The following BMPR1B variants were observed in gnomAD, a reference collection of about 807,000 sequenced individuals.
The protein encoded by BMPR1B is bone morphogenetic protein receptor type 1B.
BMPR1B carries 12 observed loss-of-function variants against 59.1 expected under a neutral mutation model. The observed-to-expected ratio is 0.20, with a 90% confidence interval of 0.13 to 0.33. BMPR1B has a LOEUF of 0.33. BMPR1B is among the 10% of genes least tolerant of loss of function. The probability of loss-of-function intolerance (pLI) is 1.00; values close to 1 mark genes in which losing one functional copy is unlikely to be tolerated. For missense variants in BMPR1B, 550 were observed against 610.9 expected (o/e 0.90, Z 1.05); for synonymous variants, 237 against 207.3 (o/e 1.14, Z -1.23).
intron 2 of BMPR1B, among the ~76,000 whole-genome samples, chr4:94,981,330 C>T (rs1365609411): frequency 6.6e-6 from 1 of 152,024 alleles, no homozygotes; most frequent in Non-Finnish European, 1.5e-5. Context: ...CCTCAGCCTC[C>T]CAAAGCACTG....
At chr4:95,012,864 GAGA>G (rs1723319545) in intron 3 of BMPR1B, among the ~76,000 whole-genome samples, 2 of 152,118 alleles carry the variant, frequency 1.3e-5, no homozygotes, top group Non-Finnish European at 2.9e-5. Context: ...CAAAATTTTG[GAGA>G]AGAATTTCTT....
At chr4:94,765,777 G>A (rs1721947311) in intron 1 of BMPR1B, among the ~76,000 whole-genome samples, 1 of 152,126 alleles carries the variant, frequency 6.6e-6, no homozygotes, top group African/African-American at 2.4e-5. Context: ...TTACCTGATT[G>A]CATTTGTTTT....
rs569546552 is a variant in BMPR1B at position 95,156,980 on chromosome 4, C to T, written c.*2307C>T. ...CTAAATTTAAGTGAGGTTGGGCTTA[C>T]CTTGTAGATAAAATTATGTTTTCTT... On this transcript the variant is annotated 3_prime_UTR_variant, in exon 13 of 13. Transcript: ENST00000515059. 1.3e-5 allele frequency: 2 copies of T among 152,024 alleles called. No homozygotes were observed. The highest frequency in any genetic ancestry group is 4.8e-5 in the African/African-American group (2 of 41,422). The allele number at this position is 152,024 out of a possible 1,614,324, so 9.4% of individuals were successfully genotyped here.
At chr4:95,138,328 C>T (rs1733961240) in intron 10 of BMPR1B, among the ~76,000 whole-genome samples, 1 of 152,166 alleles carries the variant, frequency 6.6e-6, no homozygotes, top group South Asian at 2.1e-4. Context: ...TTCTCTCTGA[C>T]TGCCCTTAAC....
At chr4:95,052,671 A>G (rs1367855651) in intron 3 of BMPR1B, among the ~76,000 whole-genome samples, 1 of 152,180 alleles carries the variant, frequency 6.6e-6, no homozygotes, top group East Asian at 1.9e-4. Flanking sequence ...AGATTTTCAT[A>G]ATCTCAAAGT....
At chr4:94,917,799 G>A (rs1254370891) in intron 2 of BMPR1B, among the ~76,000 whole-genome samples, 1 of 152,136 alleles carries the variant, frequency 6.6e-6, no homozygotes, top group African/African-American at 2.4e-5. Context: ...GGAAGGGCCA[G>A]GGCGGAATAA....
At chr4:94,902,183 T>C (rs1258216315) in intron 2 of BMPR1B, among the ~76,000 whole-genome samples, 1 of 126,470 alleles carries the variant, frequency 7.9e-6, no homozygotes, top group African/African-American at 3.0e-5. Flanking sequence ...AGTGAATGAA[T>C]TATATTTATA....
intron 3 of BMPR1B, among the ~76,000 whole-genome samples, chr4:95,020,625 A>G (rs1723914057): frequency 6.6e-6 from 1 of 151,806 alleles, no homozygotes; most frequent in African/African-American, 2.4e-5. Context: ...GTTAATGTTA[A>G]TATTGCTGGG....
intron 1 of BMPR1B, among the ~76,000 whole-genome samples, chr4:94,830,311 T>C (rs1724533041): frequency 6.6e-6 from 1 of 152,210 alleles, no homozygotes; most frequent in South Asian, 2.1e-4. Flanking sequence ...GATTATAGAA[T>C]TCTATTCATA....
chr4:94,964,598 A>G lies in BMPR1B; in HGVS notation c.-112-31442A>G, dbSNP rs1485488784. Among the ~76,000 whole-genome samples the G allele has an allele frequency of 2.6e-5, 4 of 152,156 alleles. No individual in the cohort carries two copies. The East Asian group carries it at 7.7e-4, about 29-fold the overall frequency. On this transcript the variant is annotated intron_variant, in intron 2 of 12. Transcript: ENST00000515059. ...TCTTTCTTCAAATAAATCTCATCAG[A>G]AGTATAATATATAAAATGGATTAAA...
chr4:95,154,942 GC>G lies in BMPR1B; in HGVS notation c.*272del. ...ATGATGCATGTTGCTTTCTAAGAAAGCCCTGTATTTTGTGATTGCCTTTTTT... is the reference window on the plus strand; with the variant it reads ...ATGATGCATGTTGCTTTCTAAGAAAGCCTGTATTTTGTGATTGCCTTTTTT... On this transcript the variant is annotated 3_prime_UTR_variant, in exon 13 of 13. Transcript: ENST00000515059. 2.4e-6 allele frequency: 1 copy of G among 419,732 alleles called. No individual in the cohort carries two copies. The highest frequency in any genetic ancestry group is 4.3e-6 in the Non-Finnish European group (1 of 230,552). The allele number at this position is 419,732 out of a possible 1,614,324, so 26.0% of individuals were successfully genotyped here.
At chr4:94,822,023 G>C (rs578106292) in intron 1 of BMPR1B, among the ~76,000 whole-genome samples, 1 of 152,314 alleles carries the variant, frequency 6.6e-6, no homozygotes, top group South Asian at 2.1e-4. Context: ...GAATACCTGA[G>C]ACTGGGAAAT....
At chr4:94,946,140 T>C (rs952679708) in intron 2 of BMPR1B, among the ~76,000 whole-genome samples, 2 of 152,190 alleles carry the variant, frequency 1.3e-5, no homozygotes, top group Non-Finnish European at 2.9e-5. Context: ...TCAAAAGTAG[T>C]GAGTACTGCC....
intron 1 of BMPR1B, among the ~76,000 whole-genome samples, chr4:94,841,349 C>A (rs1476181392): frequency 1.3e-5 from 2 of 149,170 alleles, no homozygotes; most frequent in African/African-American, 5.0e-5. Context: ...TGGCGGGCGC[C>A]CCTCCCCCAG....
chr4:94,989,434 G>T (rs764290684), intron 2 of BMPR1B, among the ~76,000 whole-genome samples: 1 of 150,562 alleles, frequency 6.6e-6, no homozygotes, highest in Non-Finnish European at 1.5e-5. Context: ...TTAGCTTCTT[G>T]ATTTCTTAAC....
intron 2 of BMPR1B, among the ~76,000 whole-genome samples, chr4:94,891,729 A>G (rs1399432873): frequency 6.6e-6 from 1 of 152,102 alleles, no homozygotes; most frequent in Non-Finnish European, 1.5e-5. Context: ...ATTTATTAAT[A>G]TCTAGGGCTT....
chr4:95,106,117 G>GT (rs1336624947), intron 4 of BMPR1B, among the ~76,000 whole-genome samples: 2 of 151,968 alleles, frequency 1.3e-5, no homozygotes, highest in South Asian at 2.1e-4. Flanking sequence ...AAAAGAAACT[G>GT]TTTTTTCTAG....
intron 1 of BMPR1B, among the ~76,000 whole-genome samples, chr4:94,846,637 G>T (rs2148941916): frequency 6.6e-6 from 1 of 152,242 alleles, no homozygotes; most frequent in African/African-American, 2.4e-5. Flanking sequence ...TCAGCCTGCA[G>T]ACAACCTATT....
At chr4:95,049,983 G>C (rs767404290) in intron 3 of BMPR1B, among the ~76,000 whole-genome samples, 2 of 151,908 alleles carry the variant, frequency 1.3e-5, no homozygotes, top group African/African-American at 4.8e-5. Flanking sequence ...ATTTATAGAA[G>C]CCCATATTGG....
Sources: gnomAD v4.1 joint callset for allele counts (sites outside exome capture counted in the v4.1 genomes callset) on GRCh38, gnomAD v4.1.1 for gene constraint, MANE v1.5 for transcripts, NCBI Gene and HGNC (gene_info 2026-07-23, HGNC 2026-07-21) for gene names.